The following RAB28 variants were observed in gnomAD, a reference collection of about 807,000 sequenced individuals.
The protein encoded by RAB28 is ras-related protein Rab-28.
Under a neutral mutation model 31.7 loss-of-function variants are expected in RAB28, and 24 were observed. That is an observed-to-expected ratio of 0.76 (90% CI 0.55 to 1.06). The LOEUF (loss-of-function observed/expected upper bound fraction) is 1.06, where lower values mean the gene tolerates loss of function less well. Ranked by LOEUF, RAB28 falls within the 50% of genes least tolerant of loss-of-function variation. RAB28 has a pLI of 0.00. For missense variants in RAB28, 254 were observed against 258.5 expected (o/e 0.98, Z 0.12); for synonymous variants, 100 against 90.4 (o/e 1.11, Z -0.60).
chr4:13,398,414 T>C (rs1560276643), intron 4 of RAB28, among the ~76,000 whole-genome samples: 1 of 151,644 alleles, frequency 6.6e-6, no homozygotes, highest in Admixed American at 6.6e-5. Flanking sequence ...TAGAATTGCA[T>C]AAAAAAAAGA....
At chr4:13,374,065 A>G (rs1489756516) in intron 6 of RAB28, among the ~76,000 whole-genome samples, 1 of 152,108 alleles carries the variant, frequency 6.6e-6, no homozygotes, top group African/African-American at 2.4e-5. Context: ...ATGAATTGTA[A>G]AATCAATAAT....
intron 4 of RAB28, among the ~76,000 whole-genome samples, chr4:13,420,128 T>C (rs1358828464): frequency 1.3e-5 from 2 of 152,014 alleles, no homozygotes; most frequent in South Asian, 4.2e-4. Context: ...ACTATAAACA[T>C]CTCTACGCAA....
intron 4 of RAB28, among the ~76,000 whole-genome samples, chr4:13,389,222 T>C (rs1729519323): frequency 6.6e-6 from 1 of 152,148 alleles, no homozygotes; most frequent in African/African-American, 2.4e-5. Flanking sequence ...GCAAATATCA[T>C]ATGATTCCAC....
intron 2 of RAB28, among the ~76,000 whole-genome samples, chr4:13,476,706 T>C (rs1441035582): frequency 6.6e-6 from 1 of 151,484 alleles, no homozygotes; most frequent in East Asian, 1.9e-4. Context: ...CCTATAAAGC[T>C]ATATAAGAAT....
chr4:13,374,703 A>G (rs1414593466), intron 6 of RAB28, among the ~76,000 whole-genome samples: 1 of 152,016 alleles, frequency 6.6e-6, no homozygotes, highest in African/African-American at 2.4e-5. Flanking sequence ...CCTTACATCC[A>G]TCCAACCTTT....
intron 4 of RAB28, among the ~76,000 whole-genome samples, chr4:13,445,744 G>T (rs1577222118): frequency 6.6e-6 from 1 of 152,202 alleles, no homozygotes; most frequent in African/African-American, 2.4e-5. Flanking sequence ...TCCCAGAGGG[G>T]CATTGACCTG....
rs1308093787 is a variant in RAB28 at position 13,367,985 on chromosome 4, A to G, written c.*573T>C. On this transcript the variant is annotated 3_prime_UTR_variant, in exon 7 of 7. Transcript: ENST00000330852. ...TTACAAACTACAATATAAACAATTT[A>G]GGCCCTTTTTTAAAAAATGAAAAAA... 1.5e-5 allele frequency: 15 copies of G among 969,828 alleles called. No individual in the cohort carries two copies. In the South Asian group the frequency reaches 4.3e-4, roughly 28 times the overall value. The allele number at this position is 969,828 out of a possible 1,614,324, so 60.1% of individuals were successfully genotyped here.
chr4:13,423,316 G>A (rs1442407019), intron 4 of RAB28, among the ~76,000 whole-genome samples: 1 of 151,924 alleles, frequency 6.6e-6, no homozygotes, highest in African/African-American at 2.4e-5. Context: ...AGGGTGGATC[G>A]CCTGAGGTGA....
At chr4:13,397,150 T>C (rs961224968) in intron 4 of RAB28, among the ~76,000 whole-genome samples, 3 of 152,088 alleles carry the variant, frequency 2.0e-5, no homozygotes, top group African/African-American at 7.2e-5. Context: ...GGGCTGAAAA[T>C]TAATGAACTA....
chr4:13,463,601 C>T (rs1180924807), intron 3 of RAB28, among the ~76,000 whole-genome samples: 1 of 152,066 alleles, frequency 6.6e-6, no homozygotes, highest in African/African-American at 2.4e-5. Context: ...CTGGTCTAGA[C>T]AAATGTGTCC....
intron 4 of RAB28, among the ~76,000 whole-genome samples, chr4:13,454,513 G>A (rs1361572369): frequency 1.3e-5 from 2 of 152,166 alleles, no homozygotes; most frequent in Non-Finnish European, 1.5e-5. Flanking sequence ...GATGGGCCCT[G>A]GGTGTCAGTT....
At chr4:13,374,993 A>G (rs1337363938) in intron 6 of RAB28, among the ~76,000 whole-genome samples, 2 of 152,078 alleles carry the variant, frequency 1.3e-5, no homozygotes, top group Non-Finnish European at 2.9e-5. Context: ...CCAAAATACA[A>G]CCTAACCTTT....
chr4:13,416,899 C>A (rs547688391), intron 4 of RAB28, among the ~76,000 whole-genome samples: 8 of 152,286 alleles, frequency 5.3e-5, no homozygotes, highest in East Asian at 1.9e-4. Context: ...ACAGTGGATG[C>A]AGCCCATGGA....
intron 4 of RAB28, among the ~76,000 whole-genome samples, chr4:13,428,627 C>A (rs144658306): frequency 2.0e-5 from 3 of 151,896 alleles, no homozygotes; most frequent in Non-Finnish European, 4.4e-5. Context: ...GTCTAAGGAA[C>A]AGAAAGAAAA....
intron 6 of RAB28, 76 bp from the exon 7 acceptor site, chr4:13,368,726 T>C: frequency 7.7e-7 from 1 of 1,294,306 alleles, no homozygotes; most frequent in Non-Finnish European, 1.1e-6. Flanking sequence ...ATATTTTTAT[T>C]TTCTGAACTT....
intron 4 of RAB28, among the ~76,000 whole-genome samples, chr4:13,451,684 GT>G (rs1714975889): frequency 6.6e-6 from 1 of 151,572 alleles, no homozygotes; most frequent in Non-Finnish European, 1.5e-5. Flanking sequence ...TTTTCTCTAT[GT>G]TTCCTCTAGT....
intron 4 of RAB28, among the ~76,000 whole-genome samples, chr4:13,394,902 A>T (rs1424071612): frequency 6.6e-6 from 1 of 152,206 alleles, no homozygotes; most frequent in Non-Finnish European, 1.5e-5. Context: ...TTAAACATTT[A>T]CAAAACCCTT....
At chr4:13,435,495 A>T (rs1009417319) in intron 4 of RAB28, among the ~76,000 whole-genome samples, 7 of 151,886 alleles carry the variant, frequency 4.6e-5, no homozygotes, top group Admixed American at 2.0e-4. Context: ...AAATTAACCA[A>T]GAAGAAAAAA....
At chr4:13,479,289 T>C in intron 2 of RAB28, 141 bp downstream of exon 2, 1 of 615,354 alleles carries the variant, frequency 1.6e-6, no homozygotes, top group Non-Finnish European at 2.8e-6. Context: ...GTGATGAAAG[T>C]TAACATCCCT....
Sources: gnomAD v4.1 joint callset for allele counts (sites outside exome capture counted in the v4.1 genomes callset) on GRCh38, gnomAD v4.1.1 for gene constraint, MANE v1.5 for transcripts, NCBI Gene and HGNC (gene_info 2026-07-23, HGNC 2026-07-21) for gene names.